Variants in CACNA1I observed in about 807,000 individuals in gnomAD.
CACNA1I encodes calcium voltage-gated channel subunit alpha1 I, also known as voltage-dependent T-type calcium channel subunit alpha-1I.
CACNA1I carries 74 observed loss-of-function variants against 201.6 expected under a neutral mutation model. The observed-to-expected ratio is 0.37, with a 90% CI of 0.30 to 0.45. CACNA1I has a LOEUF of 0.45. CACNA1I is among the 20% of genes least tolerant of loss of function. The pLI, the probability that CACNA1I is intolerant of heterozygous loss-of-function variation, is 1.00. For synonymous variants in CACNA1I, 1,431 were observed against 1,345.2 expected, an observed-to-expected ratio of 1.06 and a Z score of -1.40; for missense variants, 2,346 against 3,138.1, an observed-to-expected ratio of 0.75 and a Z score of 6.03.
rs1935048908 is a variant in CACNA1I at position 39,662,317 on chromosome 22, C to T, written c.3254C>T (p.Ala1085Val). Residue 1085 changes from alanine (A) to valine (V), a missense_variant, in exon 17 of 37, where the codon GCA (alanine) becomes GTA (valine). By Grantham distance (64) the Ala-to-Val change is moderately conservative (BLOSUM62 0). Transcript: ENST00000402142. Reference protein sequence around the residue: ...GAHPRAAWRAAGPAPGHEDCN... With the variant: ...GAHPRAAWRAVGPAPGHEDCN... The stretch of plus-strand genomic sequence containing the variant: ...CACCCCCGGGCCGCCTGGAGGGCGG[C>T]AGGCCCGGCCCCCGGGCATGAGGAC... 4 of 1,478,544 alleles carry T rather than the reference C, an allele frequency of 2.7e-6. No homozygotes were observed. The highest frequency in any genetic ancestry group is 2.3e-4 in the Middle Eastern group (1 of 4,310). 91.6% of individuals were successfully genotyped at this position (1,478,544 alleles called of 1,614,324 possible).
chr22:39,659,587 G>A lies in CACNA1I; in HGVS notation c.2448+37G>A, dbSNP rs1318402443. 1 of 1,600,114 alleles carries A rather than the reference G, an allele frequency of 6.2e-7. No homozygotes were observed. The highest frequency in any genetic ancestry group is 1.1e-5 in the South Asian group (1 of 90,832). On this transcript the variant is annotated intron_variant, in intron 13 of 36. Coordinates refer to ENST00000402142, the MANE Select transcript of CACNA1I (RefSeq NM_021096.4). This position sits in a 1 kb window ranked among gnomAD's most constrained non-coding sequence, Gnocchi z 4.3. ...CTGCGTGTTCATGTTTGCTGGGGAA[G>A]CGATGGGACAGTAGGCCTGGGAGGG...
chr22:39,610,026 C>T (rs1304536939), intron 3 of CACNA1I, among the ~76,000 whole-genome samples: 4 of 152,228 alleles, frequency 2.6e-5, no homozygotes, highest in Admixed American at 2.0e-4. Context: ...AAGGCAATCA[C>T]TTGGATGCCC....
chr22:39,588,553 T>C (rs1247791180), intron 1 of CACNA1I, among the ~76,000 whole-genome samples: 2 of 151,720 alleles, frequency 1.3e-5, no homozygotes, highest in Admixed American at 6.6e-5. Context: ...GCCCGGCTTA[T>C]TTTTTGTATT....
intron 7 of CACNA1I, among the ~76,000 whole-genome samples, chr22:39,645,854 T>C (rs1934472190): frequency 6.6e-6 from 1 of 152,132 alleles, no homozygotes; most frequent in Admixed American, 6.5e-5. Flanking sequence ...CAGGGCAGCC[T>C]CTCCCCCTTC....
intron 25 of CACNA1I, 49 bp downstream of exon 25, chr22:39,670,279 C>T (rs1392488633): frequency 6.4e-7 from 1 of 1,567,152 alleles, no homozygotes; most frequent in South Asian, 1.1e-5. Flanking sequence ...CTAAGCCCTT[C>T]TGCCTGGGCC....
intron 5 of CACNA1I, among the ~76,000 whole-genome samples, chr22:39,637,868 A>T (rs1456047600): frequency 1.3e-5 from 2 of 152,210 alleles, no homozygotes; most frequent in Non-Finnish European, 2.9e-5. Flanking sequence ...ACTTTTTTAA[A>T]AAGAAAAATC....
chr22:39,638,029 G>A (rs1440312140), intron 5 of CACNA1I, among the ~76,000 whole-genome samples: 1 of 152,100 alleles, frequency 6.6e-6, no homozygotes, highest in Non-Finnish European at 1.5e-5. Context: ...CGCCTCCCAG[G>A]TTCAAGTGAT....
At chr22:39,626,071 C>A (rs1933892075) in intron 4 of CACNA1I, among the ~76,000 whole-genome samples, 1 of 152,172 alleles carries the variant, frequency 6.6e-6, no homozygotes, top group Non-Finnish European at 1.5e-5. Context: ...CAGTCCCTGA[C>A]AATGCTGTGG....
At chr22:39,604,895 A>G (rs1213106203) in intron 3 of CACNA1I, among the ~76,000 whole-genome samples, 1 of 152,052 alleles carries the variant, frequency 6.6e-6, no homozygotes. Flanking sequence ...TGCTGGAGTC[A>G]TGAGCACTCT....
Position 39,676,107 on chromosome 22 carries a change from G to A in CACNA1I, c.4855-1234G>A, listed in dbSNP as rs548512417. 2.0e-5 allele frequency among the ~76,000 whole-genome samples: 3 copies of A among 152,316 alleles called. No individual in the cohort carries two copies. Among genetic ancestry groups the A allele is most frequent in the East Asian group, 3.9e-4 (2 of 5,186 alleles). Reference sequence around the variant, plus strand: ...GTGAGGAGGCTGCTGCAACCCTGCCGGCTCTGAGATGCTGACAGCAGGGAG... The same window carrying A: ...GTGAGGAGGCTGCTGCAACCCTGCCAGCTCTGAGATGCTGACAGCAGGGAG... On this transcript the variant is annotated intron_variant, in intron 29 of 36. Coordinates refer to ENST00000402142, the MANE Select transcript of CACNA1I (RefSeq NM_021096.4). This position sits in a 1 kb window ranked among gnomAD's most constrained non-coding sequence, Gnocchi z 4.8.
At chr22:39,646,986 A>C in intron 8 of CACNA1I, 105 bp downstream of exon 8, 1 of 1,421,334 alleles carries the variant, frequency 7.0e-7, no homozygotes, top group South Asian at 1.5e-5. Flanking sequence ...CCAGGTCTTC[A>C]CTTCATGCTC....
At chr22:39,661,879 C>A in intron 16 of CACNA1I, 86 bp from the exon 17 acceptor site, 2 of 845,312 alleles carry the variant, frequency 2.4e-6, no homozygotes, top group Non-Finnish European at 3.5e-6. Context: ...AGAGCCACAG[C>A]GGGGGTGCAG....
chr22:39,672,252 G>T lies in CACNA1I; in HGVS notation c.4593G>T (p.Val1531=), dbSNP rs1178487096. ...ACTATATGTTCACCACTGTCTTTGTGCTGGAGGCTGTGCTGAAGCTGGTGG... is the reference window on the plus strand; with the variant it reads ...ACTATATGTTCACCACTGTCTTTGTTCTGGAGGCTGTGCTGAAGCTGGTGG... The part of the protein sequence containing the change: ...YCNYMFTTVF[V]LEAVLKLVAF... Residue 1531 remains valine, a synonymous_variant, in exon 27 of 37, where the codon GTG becomes GTT. Coordinates refer to ENST00000402142, the MANE Select transcript of CACNA1I (RefSeq NM_021096.4). 2 of 1,613,834 alleles carry T rather than the reference G, an allele frequency of 1.2e-6. No individual in the cohort carries two copies. The highest frequency in any genetic ancestry group is 2.2e-5 in the South Asian group (2 of 91,070).
chr22:39,592,132 C>A (rs1932829727), intron 1 of CACNA1I, among the ~76,000 whole-genome samples: 1 of 152,172 alleles, frequency 6.6e-6, no homozygotes, highest in Non-Finnish European at 1.5e-5. Flanking sequence ...ACCCAAAGAC[C>A]CTGAGTGATT....
At chr22:39,595,282 C>T (rs1048675791) in intron 1 of CACNA1I, among the ~76,000 whole-genome samples, 3 of 150,508 alleles carry the variant, frequency 2.0e-5, no homozygotes, top group South Asian at 2.1e-4. Context: ...AGCAAGACTC[C>T]GTCTCAAAAT....
chr22:39,679,140 A>G lies in CACNA1I; in HGVS notation c.5089A>G (p.Ser1697Gly). ...GCGGGACTGCACCCACGACGAGCGC[A>G]GCTGCCTGAGCAGCCTGCAGTTTGT... Reference protein sequence around the residue: ...TLRDCTHDERSCLSSLQFVSP... With the variant: ...TLRDCTHDERGCLSSLQFVSP... The change falls in exon 32 of 37, where the codon AGC becomes GGC. Residue 1697 changes from serine to glycine, a missense_variant. This residue lies in a region of CACNA1I where 64 missense variants were observed against 131.8 expected (regional missense o/e 0.49). Coordinates refer to ENST00000402142, the MANE Select transcript of CACNA1I (RefSeq NM_021096.4). The G allele has an allele frequency of 6.3e-7, 1 of 1,594,462 alleles. No homozygotes were observed. The highest frequency in any genetic ancestry group is 1.3e-5 in the African/African-American group (1 of 74,592).
rs1012505228 is a variant in CACNA1I, at chr22:39,577,870, C to T, written c.236+6882C>T. Among the ~76,000 whole-genome samples the T allele has an allele frequency of 8.5e-5, 13 of 152,380 alleles. No individual in the cohort carries two copies. In the East Asian group the frequency reaches 2.5e-3, roughly 29 times the overall value. ...TGCTCCTGGCTTCTTAGACCAGTGG[C>T]CTTGGCCAAGTTCCTTGCCCTTGCT... On this transcript the variant is annotated intron_variant, in intron 1 of 36. Transcript: ENST00000402142.
chr22:39,598,184 G>A lies in CACNA1I; in HGVS notation c.270G>A (p.Leu90=). ...AATGTGTCAGCATGCTGGTGATCCT[G>A]CTGAACTGCGTGACACTTGGCATGT... ...WFECVSMLVI[L]LNCVTLGMYQ... is the part of the protein sequence containing the mutation. Residue 90 remains leucine, a synonymous_variant, in exon 2 of 37, where the codon CTG becomes CTA. Transcript: ENST00000402142. 1 of 1,607,206 alleles carries A rather than the reference G, an allele frequency of 6.2e-7. No homozygotes were observed. Among genetic ancestry groups the A allele is most frequent in the Non-Finnish European group, 8.5e-7 (1 of 1,177,038 alleles).
chr22:39,656,818 C>T, intron 10 of CACNA1I: 1 of 516,586 alleles, frequency 1.9e-6, no homozygotes, highest in South Asian at 1.4e-5. Flanking sequence ...TCAGTCTCCT[C>T]ATCTGTAAAA....
Sources: allele counts gnomAD v4.1 joint callset (sites outside exome capture counted in the v4.1 genomes callset), GRCh38; gene constraint gnomAD v4.1.1; regional missense constraint gnomAD v4.1.1; non-coding constraint Gnocchi (gnomAD v3.1); transcripts MANE v1.5; gene names NCBI Gene and HGNC (gene_info 2026-07-23, HGNC 2026-07-21).